The following KIF16B variants were observed in gnomAD, a reference collection of about 807,000 sequenced individuals.
KIF16B encodes the protein kinesin family member 16B, also known as kinesin-like protein KIF16B.
KIF16B carries 98 observed loss-of-function variants against 156.3 expected under a neutral mutation model. That is an observed-to-expected ratio of 0.63 (90% CI 0.53 to 0.74). The LOEUF is 0.74. Among genes scored for constraint, KIF16B ranks in the 30% least tolerant of loss-of-function variants. The probability of loss-of-function intolerance (pLI) is 0.00; values close to 1 mark genes in which losing one functional copy is unlikely to be tolerated. For synonymous variants in KIF16B, 564 were observed against 583.7 expected (o/e 0.97, Z 0.49); for missense variants, 1,421 against 1,606.5 (o/e 0.88, Z 1.97).
At chr20:16,410,183 A>T (rs865907007) in intron 15 of KIF16B, among the ~76,000 whole-genome samples, 11 of 140,936 alleles carry the variant, frequency 7.8e-5, no homozygotes, top group African/African-American at 2.4e-4. Flanking sequence ...ATATATATGT[A>T]GGTACATATA....
intron 22 of KIF16B, among the ~76,000 whole-genome samples, chr20:16,359,760 C>T (rs2064516343): frequency 6.6e-6 from 1 of 151,992 alleles, no homozygotes; most frequent in Non-Finnish European, 1.5e-5. Flanking sequence ...TATTACGTAG[C>T]CTACCTCAAT....
chr20:16,329,676 G>A (rs1379465103), intron 24 of KIF16B, among the ~76,000 whole-genome samples: 1 of 152,082 alleles, frequency 6.6e-6, no homozygotes, highest in African/African-American at 2.4e-5. Flanking sequence ...GTCAATGAAG[G>A]GGAACAGAAA....
intron 25 of KIF16B, among the ~76,000 whole-genome samples, chr20:16,292,939 G>C (rs1304925921): frequency 6.6e-6 from 1 of 152,222 alleles, no homozygotes; most frequent in Admixed American, 6.5e-5. Context: ...ACATAGTGCA[G>C]TGCTTCTCAA....
chr20:16,552,667 T>TG (rs1165592426), intron 1 of KIF16B, among the ~76,000 whole-genome samples: 1 of 152,196 alleles, frequency 6.6e-6, no homozygotes. Context: ...TTAAAGGTCT[T>TG]GGGGGGCTCT....
chr20:16,535,164 A>C (rs1245250794), intron 1 of KIF16B, among the ~76,000 whole-genome samples: 1 of 151,944 alleles, frequency 6.6e-6, no homozygotes, highest in African/African-American at 2.4e-5. Flanking sequence ...TGTCCTCCTC[A>C]ATTTCTTTCA....
At chr20:16,567,427 G>C (rs556759776) in intron 1 of KIF16B, among the ~76,000 whole-genome samples, 1 of 152,044 alleles carries the variant, frequency 6.6e-6, no homozygotes, top group East Asian at 1.9e-4. Flanking sequence ...CATCTCAACC[G>C]TACACAGATT....
At chr20:16,564,509 T>C (rs953140430) in intron 1 of KIF16B, among the ~76,000 whole-genome samples, 52 of 151,806 alleles carry the variant, frequency 3.4e-4, no homozygotes, top group Admixed American at 7.9e-4. Flanking sequence ...CCGGGGCCTG[T>C]TGTGAGGTGG....
chr20:16,524,470 A>C (rs1321125428), intron 3 of KIF16B, among the ~76,000 whole-genome samples: 1 of 152,226 alleles, frequency 6.6e-6, no homozygotes, highest in Non-Finnish European at 1.5e-5. Flanking sequence ...TCAAAACCAC[A>C]ATGAGATACC....
In KIF16B at chr20:16,438,220, G is replaced by A. The variant is rs971651401; in HGVS notation, c.1303-8238C>T. Among the ~76,000 whole-genome samples, 39 of 152,188 alleles carry A rather than the reference G, an allele frequency of 2.6e-4. 1 individual carries two copies. The highest frequency in any genetic ancestry group is 1.8e-3 in the Admixed American group (27 of 15,264). ...CCCTGAAAGTAAGCAACAAGCTGGC[G>A]TTCATCCAGAAGCTACTGTTTCTCA... is the stretch of plus-strand genomic sequence containing the variant. On this transcript the variant is annotated intron_variant, in intron 12 of 25. Coordinates refer to ENST00000354981, the MANE Select transcript of KIF16B (RefSeq NM_024704.5).
chr20:16,449,601 AC>A (rs1380645724), intron 12 of KIF16B, among the ~76,000 whole-genome samples: 13 of 152,244 alleles, frequency 8.5e-5, no homozygotes, highest in Non-Finnish European at 1.5e-4. Context: ...GATGGTCTAA[AC>A]CGAGTGGAAG....
chr20:16,308,706 G>A (rs547156375), intron 25 of KIF16B, among the ~76,000 whole-genome samples: 7 of 152,344 alleles, frequency 4.6e-5, no homozygotes, highest in Admixed American at 4.6e-4. Context: ...TAAACAGCAA[G>A]CAAATGTGGG....
intron 17 of KIF16B, among the ~76,000 whole-genome samples, chr20:16,404,051 A>T (rs2065721707): frequency 6.6e-6 from 1 of 152,216 alleles, no homozygotes; most frequent in Admixed American, 6.6e-5. Context: ...AAGATCACGG[A>T]TTCAAGGTGC....
chr20:16,297,229 C>CATG (rs1433442330), intron 25 of KIF16B, among the ~76,000 whole-genome samples: 3 of 152,188 alleles, frequency 2.0e-5, no homozygotes, highest in Non-Finnish European at 2.9e-5. Context: ...AGGTCTCTCC[C>CATG]CATCATTGCT....
intron 25 of KIF16B, among the ~76,000 whole-genome samples, chr20:16,287,247 A>G (rs2063236387): frequency 6.6e-6 from 1 of 152,274 alleles, no homozygotes; most frequent in Admixed American, 6.5e-5. Flanking sequence ...CATAAATTAA[A>G]GTCCAATTCT....
chr20:16,556,223 T>C (rs1053193957), intron 1 of KIF16B, among the ~76,000 whole-genome samples: 1 of 152,204 alleles, frequency 6.6e-6, no homozygotes, highest in Non-Finnish European at 1.5e-5. Flanking sequence ...CTCTAGCTGG[T>C]GATCAGCCTC....
At chr20:16,296,406 T>C (rs926817522) in intron 25 of KIF16B, among the ~76,000 whole-genome samples, 1 of 152,328 alleles carries the variant, frequency 6.6e-6, no homozygotes, top group South Asian at 2.1e-4. Context: ...TCAGGCTTCA[T>C]TTTGCTTTTA....
chr20:16,314,765 G>T (rs912223399), intron 24 of KIF16B, among the ~76,000 whole-genome samples: 1 of 152,144 alleles, frequency 6.6e-6, no homozygotes, highest in African/African-American at 2.4e-5. Flanking sequence ...ACATTCCCTT[G>T]TGGCCTCTCT....
intron 12 of KIF16B, among the ~76,000 whole-genome samples, chr20:16,467,632 C>T (rs7265505): frequency 0.032 from 4,804 of 151,480 alleles, 235 homozygotes; most frequent in African/African-American, 0.11. Flanking sequence ...TATAAAGGGA[C>T]AAAGACAAGA....
intron 12 of KIF16B, among the ~76,000 whole-genome samples, chr20:16,469,378 C>T (rs1236444216): frequency 6.6e-6 from 1 of 150,764 alleles, no homozygotes; most frequent in African/African-American, 2.4e-5. Flanking sequence ...CAACACACTT[C>T]TACATAACAT....
Sources: gnomAD v4.1 joint callset for allele counts (sites outside exome capture counted in the v4.1 genomes callset) on GRCh38, gnomAD v4.1.1 for gene constraint, MANE v1.5 for transcripts, NCBI Gene and HGNC (gene_info 2026-07-23, HGNC 2026-07-21) for gene names.